The following TTC29 variants were observed in gnomAD, a reference collection of about 807,000 sequenced individuals.
TTC29 encodes the protein tetratricopeptide repeat domain 29.
A neutral mutation model predicts 58.1 loss-of-function variants in TTC29; 49 were observed. The ratio of observed to expected loss-of-function variants is 0.84; its 90% CI spans 0.67 to 1.07. The LOEUF (loss-of-function observed/expected upper bound fraction) is 1.07. Among genes scored for constraint, TTC29 ranks in the 50% least tolerant of loss-of-function variants. TTC29 has a pLI of 0.00. For missense variants in TTC29, 582 were observed against 555.6 expected (o/e 1.05, Z -0.48); for synonymous variants, 209 against 196.8 (o/e 1.06, Z -0.52).
intron 11 of TTC29, among the ~76,000 whole-genome samples, chr4:146,790,617 A>G (rs756510592): frequency 9.9e-5 from 15 of 151,936 alleles, no homozygotes; most frequent in Admixed American, 2.6e-4. Flanking sequence ...TCTACTTTAT[A>G]CATGTAGGTG....
intron 6 of TTC29, among the ~76,000 whole-genome samples, chr4:146,888,957 A>T (rs1732171652): frequency 6.6e-6 from 1 of 152,120 alleles, no homozygotes; most frequent in African/African-American, 2.4e-5. Flanking sequence ...TGGCAGTGTC[A>T]AAAGAGAGTC....
chr4:146,732,579 A>T (rs534597529), intron 11 of TTC29, among the ~76,000 whole-genome samples: 74 of 152,260 alleles, frequency 4.9e-4, no homozygotes, highest in Middle Eastern at 3.4e-3. Context: ...TTTTGGGTTT[A>T]ACTGGTTTAA....
chr4:146,708,341 T>TATATATATATATATATAC lies in TTC29; in HGVS notation c.1331-791_1331-790insGTATATATATATATATAT, dbSNP rs1561047024. 5.9e-4 allele frequency among the ~76,000 whole-genome samples: 37 copies of TATATATATATATATATAC among 62,858 alleles called. No individual in the cohort carries two copies. The East Asian group carries it at 0.021, about 36-fold the overall frequency. The allele number at this position is 62,858 out of a possible 152,430, so 41.2% of individuals were successfully genotyped here. ...ATATATATATATATATATATATATATATATATATATATATACACATGTATG... is the reference window on the plus strand; with the variant it reads ...ATATATATATATATATATATATATATATATATATATATATATACATATATATATATATACACATGTATG... On this transcript the variant is annotated intron_variant, in intron 11 of 12. Coordinates refer to ENST00000325106, the MANE Select transcript of TTC29 (RefSeq NM_031956.4).
intron 6 of TTC29, among the ~76,000 whole-genome samples, chr4:146,894,078 G>T (rs2150253764): frequency 6.6e-6 from 1 of 152,248 alleles, no homozygotes; most frequent in African/African-American, 2.4e-5. Context: ...TTACACTGTT[G>T]GTGGGACTGT....
At chr4:146,819,585 A>C (rs1400265444) in intron 10 of TTC29, among the ~76,000 whole-genome samples, 2 of 152,112 alleles carry the variant, frequency 1.3e-5, no homozygotes, top group Non-Finnish European at 2.9e-5. Context: ...GAATTGGATA[A>C]TTTTATTTTG....
chr4:146,816,827 G>C (rs1038334293), intron 10 of TTC29, among the ~76,000 whole-genome samples: 2 of 151,922 alleles, frequency 1.3e-5, no homozygotes, highest in Non-Finnish European at 2.9e-5. Flanking sequence ...TTTCAAACTC[G>C]ATTTCCTTAA....
chr4:146,945,145 C>G (rs1325989665), intron 1 of TTC29, 68 bp from the exon 2 acceptor site: 1 of 152,138 alleles, frequency 6.6e-6, no homozygotes, highest in Non-Finnish European at 1.5e-5. Flanking sequence ...AGTGTAACTC[C>G]TCTCCCCGCT....
At chr4:146,932,782 C>A (rs28711272) in intron 4 of TTC29, among the ~76,000 whole-genome samples, 1 of 152,012 alleles carries the variant, frequency 6.6e-6, no homozygotes, top group Non-Finnish European at 1.5e-5. Context: ...GTAGGCCAGG[C>A]GCGGTGGTTC....
intron 11 of TTC29, among the ~76,000 whole-genome samples, chr4:146,746,759 G>A (rs1376437804): frequency 6.6e-6 from 1 of 152,116 alleles, no homozygotes; most frequent in Non-Finnish European, 1.5e-5. Context: ...CCCCATACAA[G>A]CATGAATGAG....
chr4:146,718,883 G>T (rs977612924), intron 11 of TTC29, among the ~76,000 whole-genome samples: 6 of 152,082 alleles, frequency 3.9e-5, no homozygotes. Flanking sequence ...TTGATTTTGC[G>T]TATGATGTGC....
intron 11 of TTC29, among the ~76,000 whole-genome samples, chr4:146,741,149 GAGA>G (rs1203363274): frequency 6.6e-6 from 1 of 152,182 alleles, no homozygotes; most frequent in African/African-American, 2.4e-5. Context: ...TTGACATTTT[GAGA>G]AGAAGGCCAT....
At chr4:146,856,687 T>A (rs1015538078) in intron 8 of TTC29, among the ~76,000 whole-genome samples, 20 of 133,488 alleles carry the variant, frequency 1.5e-4, no homozygotes, top group Non-Finnish European at 2.8e-4. Context: ...CATTATTATT[T>A]ATTAATTAAT....
chr4:146,783,900 T>A (rs1295048228), intron 11 of TTC29, among the ~76,000 whole-genome samples: 1 of 152,054 alleles, frequency 6.6e-6, no homozygotes, highest in African/African-American at 2.4e-5. Context: ...TAATGAAGAT[T>A]TAAGAGACAA....
At chr4:146,801,380 T>C (rs970574381) in intron 11 of TTC29, among the ~76,000 whole-genome samples, 3 of 152,214 alleles carry the variant, frequency 2.0e-5, no homozygotes, top group Non-Finnish European at 4.4e-5. Context: ...TGAGAATTAA[T>C]TTCTCACTTG....
At chr4:146,868,797 T>A (rs1730733546) in intron 7 of TTC29, among the ~76,000 whole-genome samples, 1 of 152,068 alleles carries the variant, frequency 6.6e-6, no homozygotes, top group African/African-American at 2.4e-5. Flanking sequence ...CCTCTCCAAA[T>A]CTCCTGGTAG....
intron 11 of TTC29, among the ~76,000 whole-genome samples, chr4:146,752,455 T>G (rs1217308580): frequency 3.3e-5 from 5 of 151,282 alleles, no homozygotes; most frequent in African/African-American, 4.9e-5. Context: ...AGAATCAATA[T>G]AGTGAAAATG....
intron 6 of TTC29, among the ~76,000 whole-genome samples, chr4:146,894,706 A>C (rs1426300002): frequency 6.6e-6 from 1 of 151,948 alleles, no homozygotes; most frequent in Non-Finnish European, 1.5e-5. Flanking sequence ...TAAATAAATA[A>C]ATAAATAAAT....
At chr4:146,876,211 A>T (rs1052654518) in intron 6 of TTC29, among the ~76,000 whole-genome samples, 12 of 152,208 alleles carry the variant, frequency 7.9e-5, no homozygotes, top group African/African-American at 2.4e-4. Context: ...GAATTCATGC[A>T]TGTACAATTA....
intron 6 of TTC29, among the ~76,000 whole-genome samples, chr4:146,892,985 A>T (rs960484594): frequency 1.3e-5 from 2 of 152,162 alleles, no homozygotes; most frequent in African/African-American, 4.8e-5. Context: ...GACATGAAGG[A>T]CCTCTTTAAG....
Sources: allele counts gnomAD v4.1 joint callset (sites outside exome capture counted in the v4.1 genomes callset), GRCh38; gene constraint gnomAD v4.1.1; transcripts MANE v1.5; gene names NCBI Gene and HGNC (gene_info 2026-07-23, HGNC 2026-07-21).